Variants in IGF2BP3 observed in about 807,000 individuals in gnomAD.
IGF2BP3 encodes the protein insulin like growth factor 2 mRNA binding protein 3.
In IGF2BP3, 9 loss-of-function variants were observed where a neutral mutation model predicts 73.8. The observed-to-expected ratio is 0.12, with a 90% CI of 0.07 to 0.21. The LOEUF (loss-of-function observed/expected upper bound fraction) is 0.21. IGF2BP3 is among the 10% of genes least tolerant of loss of function. The probability of loss-of-function intolerance (pLI) is 1.00; values close to 1 mark genes in which losing one functional copy is unlikely to be tolerated. For synonymous variants in IGF2BP3, 258 were observed against 256.7 expected (o/e 1.01, Z -0.05); for missense variants, 542 against 714.0 (o/e 0.76, Z 2.75).
chr7:23,401,417 C>G (rs1046498217), intron 3 of IGF2BP3, among the ~76,000 whole-genome samples: 1 of 152,144 alleles, frequency 6.6e-6, no homozygotes, highest in East Asian at 1.9e-4. Flanking sequence ...TTCCATCATT[C>G]AAACTCACAG....
At chr7:23,452,580 A>C (rs1046835197) in intron 2 of IGF2BP3, among the ~76,000 whole-genome samples, 3 of 151,862 alleles carry the variant, frequency 2.0e-5, no homozygotes, top group Non-Finnish European at 1.5e-5. Flanking sequence ...GAGACGGGTG[A>C]ATCACGAGGT....
At chr7:23,446,258 C>A (rs1264345037) in intron 2 of IGF2BP3, among the ~76,000 whole-genome samples, 1 of 152,076 alleles carries the variant, frequency 6.6e-6, no homozygotes, top group Non-Finnish European at 1.5e-5. Context: ...AAAGTTTATT[C>A]CAAATAATAA....
chr7:23,407,144 A>T (rs1474974788), intron 3 of IGF2BP3, among the ~76,000 whole-genome samples: 1 of 151,898 alleles, frequency 6.6e-6, no homozygotes, highest in East Asian at 1.9e-4. Context: ...CGAATACTAC[A>T]AAGCTTTATG....
At chr7:23,417,311 A>C (rs1224700627) in intron 3 of IGF2BP3, among the ~76,000 whole-genome samples, 1 of 152,232 alleles carries the variant, frequency 6.6e-6, no homozygotes, top group Non-Finnish European at 1.5e-5. Flanking sequence ...TTGCTTAATT[A>C]ACTTTATCTT....
chr7:23,462,434 T>G (rs990988302), intron 2 of IGF2BP3, among the ~76,000 whole-genome samples: 7 of 151,544 alleles, frequency 4.6e-5, no homozygotes, highest in Non-Finnish European at 1.0e-4. Flanking sequence ...CGATCTCAGC[T>G]CACTGTAAGC....
intron 14 of IGF2BP3, 102 bp downstream of exon 14, chr7:23,312,633 A>T: frequency 1.0e-6 from 1 of 957,064 alleles, no homozygotes; most frequent in Non-Finnish European, 1.6e-6. Flanking sequence ...GAAAAGTCTT[A>T]AGCATCAAAC....
chr7:23,365,994 T>C (rs935907279), intron 3 of IGF2BP3: 1 of 152,238 alleles, frequency 6.6e-6, no homozygotes, highest in Non-Finnish European at 1.5e-5. Context: ...TCATCAAATA[T>C]GTTAAAGTTA....
At chr7:23,389,183 CAG>C (rs1786189755) in intron 3 of IGF2BP3, among the ~76,000 whole-genome samples, 1 of 144,296 alleles carries the variant, frequency 6.9e-6, no homozygotes, top group African/African-American at 2.6e-5. Flanking sequence ...TTAATTGAGA[CAG>C]AGTCTCACTC....
chr7:23,451,498 G>A (rs763930757), intron 2 of IGF2BP3, among the ~76,000 whole-genome samples: 10 of 152,082 alleles, frequency 6.6e-5, no homozygotes, highest in Non-Finnish European at 1.0e-4. Context: ...GGAGGCTGAG[G>A]CAGGAGAATC....
At position 23,361,685 on chromosome 7, in the gene IGF2BP3, T is replaced by C. The variant is rs776796529; in HGVS notation, c.337+5A>G. On this transcript the variant is annotated splice_donor_5th_base_variant and intron_variant, in intron 4 of 14. Coordinates refer to ENST00000258729, the MANE Select transcript of IGF2BP3 (RefSeq NM_006547.3). Reference sequence around the variant, plus strand: ...AAATTTGAAAGCAATTCAGAAGACATGTACCTTGCTCACAGCTCTCCACCA... The same window carrying C: ...AAATTTGAAAGCAATTCAGAAGACACGTACCTTGCTCACAGCTCTCCACCA... The C allele has an allele frequency of 5.0e-6, 8 of 1,613,874 alleles. No individual in the cohort carries two copies. Among genetic ancestry groups the C allele is most frequent in the African/African-American group, 4.0e-5 (3 of 74,934 alleles).
At chr7:23,328,823 A>C (rs1583890934) in intron 10 of IGF2BP3, among the ~76,000 whole-genome samples, 2 of 152,204 alleles carry the variant, frequency 1.3e-5, no homozygotes, top group South Asian at 2.1e-4. Flanking sequence ...CCAAATGCTC[A>C]AGAAGAATGA....
At chr7:23,343,910 A>C in intron 8 of IGF2BP3, 57 bp from the exon 9 acceptor site, 1 of 1,569,518 alleles carries the variant, frequency 6.4e-7, no homozygotes, top group Non-Finnish European at 8.7e-7. Context: ...AAGACAGCTA[A>C]TAATTCAGCC....
At chr7:23,468,020 T>C in intron 2 of IGF2BP3, 1 of 186,016 alleles carries the variant, frequency 5.4e-6, no homozygotes, top group Non-Finnish European at 1.1e-5. Context: ...CAAATTCCTC[T>C]CCACTCGGCC....
chr7:23,380,606 C>A (rs1024536626), intron 3 of IGF2BP3, among the ~76,000 whole-genome samples: 2 of 152,240 alleles, frequency 1.3e-5, no homozygotes, highest in Non-Finnish European at 2.9e-5. Context: ...CTTCTTACTT[C>A]TAGGACACAA....
chr7:23,427,938 G>A (rs981566754), intron 2 of IGF2BP3, among the ~76,000 whole-genome samples: 54 of 152,172 alleles, frequency 3.5e-4, no homozygotes, highest in Admixed American at 2.1e-3. Context: ...CCCAGGAGGC[G>A]GAGGTTGTAG....
chr7:23,394,553 T>C (rs188208285), intron 3 of IGF2BP3: 25 of 152,304 alleles, frequency 1.6e-4, no homozygotes, highest in Admixed American at 1.4e-3. Flanking sequence ...TAAATTGGTA[T>C]GAAGTTAGTG....
intron 2 of IGF2BP3, among the ~76,000 whole-genome samples, chr7:23,466,627 T>C (rs1426065696): frequency 6.6e-6 from 1 of 152,224 alleles, no homozygotes; most frequent in Admixed American, 6.5e-5. Context: ...CTGTTTATTA[T>C]AAAGTAACAA....
intron 3 of IGF2BP3, among the ~76,000 whole-genome samples, chr7:23,395,363 C>T (rs949147836): frequency 6.6e-6 from 1 of 152,032 alleles, no homozygotes; most frequent in Non-Finnish European, 1.5e-5. Context: ...ACACAGCTGG[C>T]ACCAAGATTT....
In IGF2BP3 at chr7:23,311,088, T is replaced by C. The variant is rs1234095801; in HGVS notation, c.*1274A>G. 1 of 152,234 alleles carries C rather than the reference T, an allele frequency of 6.6e-6. No individual in the cohort carries two copies. Among genetic ancestry groups the C allele is most frequent in the Non-Finnish European group, 1.5e-5 (1 of 68,040 alleles). 9.4% of individuals were successfully genotyped at this position (152,234 alleles called of 1,614,324 possible). A position where few individuals can be genotyped will look rare whatever the true frequency, so the allele number is the denominator to read the frequency against. ...TGCACAGTATACAGAAATCCTGTTA[T>C]ACTTTACTACTTAAGGTGGAGTCTA... is the stretch of plus-strand genomic sequence containing the variant. On this transcript the variant is annotated 3_prime_UTR_variant, in exon 15 of 15. Transcript: ENST00000258729.
Sources: allele counts gnomAD v4.1 joint callset (sites outside exome capture counted in the v4.1 genomes callset), GRCh38; gene constraint gnomAD v4.1.1; transcripts MANE v1.5; gene names NCBI Gene and HGNC (gene_info 2026-07-23, HGNC 2026-07-21).